Variants in TRDN observed in about 807,000 individuals in gnomAD.
TRDN encodes the protein triadin, also known as triadin in skeletal muscle.
In TRDN, 161 loss-of-function variants were observed where a neutral mutation model predicts 149.7. The ratio of observed to expected loss-of-function variants is 1.08; its 90% CI spans 0.95 to 1.23. The LOEUF is 1.23. Ranked by LOEUF, TRDN falls within the 50% of genes most tolerant of loss-of-function variation. TRDN has a pLI of 0.00. For missense variants in TRDN, 896 were observed against 823.5 expected (o/e 1.09, Z -1.08); for synonymous variants, 294 against 250.5 (o/e 1.17, Z -1.64).
intron 9 of TRDN, among the ~76,000 whole-genome samples, chr6:123,485,576 T>C (rs1366365007): frequency 6.6e-6 from 1 of 152,132 alleles, no homozygotes; most frequent in Non-Finnish European, 1.5e-5. Context: ...TACGTGAATA[T>C]TAAATCAGAA....
chr6:123,619,471 G>A (rs1396277194), intron 1 of TRDN, among the ~76,000 whole-genome samples: 1 of 152,112 alleles, frequency 6.6e-6, no homozygotes, highest in Non-Finnish European at 1.5e-5. Context: ...TCACAGCATA[G>A]TTTCAAAAGC....
chr6:123,503,605 T>C, intron 8 of TRDN, 114 bp downstream of exon 8: 1 of 1,524,928 alleles, frequency 6.6e-7, no homozygotes, highest in South Asian at 1.3e-5. Flanking sequence ...TTAATGTCTT[T>C]TACCCCCATT....
chr6:123,465,582 CAAAAAAAAAA>C (rs1223948612), intron 9 of TRDN, among the ~76,000 whole-genome samples: 1 of 65,536 alleles, frequency 1.5e-5, no homozygotes, highest in Admixed American at 1.8e-4. Flanking sequence ...TTATGAACTG[CAAAAAAAAAA>C]AAAAAAAAAA....
At chr6:123,536,143 T>G (rs1320096334) in intron 4 of TRDN, among the ~76,000 whole-genome samples, 1 of 152,194 alleles carries the variant, frequency 6.6e-6, no homozygotes, top group Non-Finnish European at 1.5e-5. Context: ...ATCATTTGTG[T>G]CAAGTAAGCA....
Position 123,273,365 on chromosome 6 carries a change from T to TA in TRDN, c.1598-3dup, listed in dbSNP as rs147062785. ...GTATTTGCACTTTTTCAGATATAGCTAAAATAAATAAATAACATATTAGAT... is the reference window on the plus strand; with the variant it reads ...GTATTTGCACTTTTTCAGATATAGCTAAAAATAAATAAATAACATATTAGAT... On this transcript the variant is annotated splice_region_variant and splice_polypyrimidine_tract_variant and intron_variant, in intron 27 of 40. Coordinates refer to ENST00000334268, the MANE Select transcript of TRDN (RefSeq NM_006073.4). 157,339 of 960,706 alleles carry TA rather than the reference T, an allele frequency of 0.16. 16,167 individuals carry two copies. The highest frequency in any genetic ancestry group is 0.47 in the East Asian group (8,562 of 18,052). 59.5% of individuals were successfully genotyped at this position (960,706 alleles called of 1,614,324 possible).
intron 12 of TRDN, among the ~76,000 whole-genome samples, chr6:123,413,026 A>G (rs930629024): frequency 6.6e-6 from 1 of 152,176 alleles, no homozygotes; most frequent in African/African-American, 2.4e-5. Context: ...GTGGTGGACA[A>G]TGAAAAAATC....
At chr6:123,470,097 C>G (rs1339846770) in intron 9 of TRDN, 1 of 152,144 alleles carries the variant, frequency 6.6e-6, no homozygotes, top group Non-Finnish European at 1.5e-5. Context: ...TTTCAGATGT[C>G]TATTCCGTAC....
chr6:123,590,864 G>A (rs532633416), intron 1 of TRDN, among the ~76,000 whole-genome samples: 19 of 152,154 alleles, frequency 1.2e-4, no homozygotes, highest in Non-Finnish European at 2.2e-4. Context: ...CTGGCCTGTG[G>A]AAAAATTGTC....
At chr6:123,620,983 TG>T (rs1785352700) in intron 1 of TRDN, among the ~76,000 whole-genome samples, 1 of 152,058 alleles carries the variant, frequency 6.6e-6, no homozygotes, top group African/African-American at 2.4e-5. Context: ...CTAGTGACAA[TG>T]GAGATTCTAG....
intron 1 of TRDN, among the ~76,000 whole-genome samples, chr6:123,580,700 T>C (rs1197280147): frequency 1.3e-5 from 2 of 152,134 alleles, no homozygotes; most frequent in East Asian, 3.9e-4. Context: ...ACCAATCAAA[T>C]AGCTGTAACT....
chr6:123,531,073 TGCAA>T (rs1167433747), intron 4 of TRDN, among the ~76,000 whole-genome samples: 2 of 152,026 alleles, frequency 1.3e-5, no homozygotes, highest in Admixed American at 6.6e-5. Context: ...CAATAATTAC[TGCAA>T]GCAGATATGA....
chr6:123,400,155 G>C lies in TRDN; in HGVS notation c.1052-6478C>G, dbSNP rs942281201. ...AATAAGCCATTTTATTTGACATAAAGAATATGTATGTGTATATATATATAT... is the reference window on the plus strand; with the variant it reads ...AATAAGCCATTTTATTTGACATAAACAATATGTATGTGTATATATATATAT... On this transcript the variant is annotated intron_variant, in intron 12 of 40. Coordinates refer to ENST00000334268, the MANE Select transcript of TRDN (RefSeq NM_006073.4). Among the ~76,000 whole-genome samples, 15 of 60,352 alleles carry C rather than the reference G, an allele frequency of 2.5e-4. No individual in the cohort carries two copies. In the East Asian group the frequency reaches 5.7e-3, roughly 23 times the overall value. 39.6% of individuals were successfully genotyped at this position (60,352 alleles called of 152,430 possible). A position where few individuals can be genotyped will look rare whatever the true frequency, so the allele number is the denominator to read the frequency against.
intron 2 of TRDN, among the ~76,000 whole-genome samples, chr6:123,569,321 C>T (rs1782443835): frequency 6.6e-6 from 1 of 152,170 alleles, no homozygotes; most frequent in South Asian, 2.1e-4. Flanking sequence ...TTGGTCTCAA[C>T]CATTTAACCA....
At position 123,438,922 on chromosome 6, in the gene TRDN, A is replaced by G. The variant is rs540493326; in HGVS notation, c.991+22T>C. The G allele has an allele frequency of 4.5e-6, 7 of 1,540,536 alleles. No individual in the cohort carries two copies. In the African/African-American group the frequency reaches 9.6e-5, roughly 21 times the overall value. ...ATGGACACTAATTGATTTATGTGGT[A>G]CATGGCTTTTAAATTTCCTACCTTT... is the stretch of plus-strand genomic sequence containing the variant. On this transcript the variant is annotated intron_variant, in intron 11 of 40. Coordinates refer to ENST00000334268, the MANE Select transcript of TRDN (RefSeq NM_006073.4).
intron 7 of TRDN, among the ~76,000 whole-genome samples, chr6:123,511,243 A>G (rs1779170447): frequency 6.6e-6 from 1 of 152,166 alleles, no homozygotes; most frequent in Non-Finnish European, 1.5e-5. Flanking sequence ...TCCTTTCCTC[A>G]ATATATGTTA....
intron 13 of TRDN, among the ~76,000 whole-genome samples, chr6:123,389,915 A>G (rs780637187): frequency 1.5e-4 from 23 of 152,202 alleles, no homozygotes; most frequent in Admixed American, 3.3e-4. Flanking sequence ...TTTCAAAGCC[A>G]TGAGGTTTAA....
At position 123,479,822 on chromosome 6, in the gene TRDN, T is replaced by C. The variant is rs528321358; in HGVS notation, c.854-14839A>G. On this transcript the variant is annotated intron_variant, in intron 9 of 40. Coordinates refer to ENST00000334268, the MANE Select transcript of TRDN (RefSeq NM_006073.4). ...CCATATTATGTTTCAGAATTCTAGTTTATATAATTTTAGAATAATAAAGAA... is the reference window on the plus strand; with the variant it reads ...CCATATTATGTTTCAGAATTCTAGTCTATATAATTTTAGAATAATAAAGAA... 2.0e-3 allele frequency among the ~76,000 whole-genome samples: 299 copies of C among 152,282 alleles called. 1 individual carries two copies. Among genetic ancestry groups the C allele is most frequent in the South Asian group, 7.7e-3 (37 of 4,826 alleles).
chr6:123,585,447 G>C lies in TRDN; in HGVS notation c.23-14315C>G, dbSNP rs12660602. On this transcript the variant is annotated intron_variant, in intron 1 of 40. Transcript: ENST00000334268. ...AAGGTAATGTGGAGTGAGTAGCCTT[G>C]GTATTGATTAAGATGGGGACAGACT... 4.3e-3 allele frequency among the ~76,000 whole-genome samples: 651 copies of C among 152,124 alleles called. 7 individuals are homozygous for C. The highest frequency in any genetic ancestry group is 0.02 in the East Asian group (102 of 5,140).
At position 123,548,479 on chromosome 6, in the gene TRDN, ATCATCTTCT is replaced by A. The variant is rs1781226432; in HGVS notation, c.357_365del (p.Glu119_Asp121del). 2 of 1,573,960 alleles carry A rather than the reference ATCATCTTCT, an allele frequency of 1.3e-6. No individual in the cohort carries two copies. The highest frequency in any genetic ancestry group is 2.7e-5 in the African/African-American group (2 of 73,450). On this transcript the variant is annotated inframe_deletion, in exon 3 of 41. Transcript: ENST00000334268. ...CTTTATCAGTATCTTCGTCACCATC[ATCATCTTCT>A]TCATCTTCAGATGAGATGATGTCAG... is the stretch of plus-strand genomic sequence containing the variant.
Sources: gnomAD v4.1 joint callset for allele counts (sites outside exome capture counted in the v4.1 genomes callset) on GRCh38, gnomAD v4.1.1 for gene constraint, MANE v1.5 for transcripts, NCBI Gene and HGNC (gene_info 2026-07-23, HGNC 2026-07-21) for gene names.